ITFG1: variants seen among roughly 807,000 people sequenced by gnomAD.
The protein encoded by ITFG1 is integrin alpha FG-GAP repeat containing 1.
Under a neutral mutation model 81.8 loss-of-function variants are expected in ITFG1, and 34 were observed. The ratio of observed to expected loss-of-function variants is 0.42; its 90% CI spans 0.32 to 0.55. The LOEUF (loss-of-function observed/expected upper bound fraction) is 0.55. ITFG1 is among the 20% of genes least tolerant of loss of function. ITFG1 has a pLI of 0.17. For synonymous variants in ITFG1, 285 were observed against 270.6 expected, an observed-to-expected ratio of 1.05 and a Z score of -0.52; for missense variants, 672 against 755.4, an observed-to-expected ratio of 0.89 and a Z score of 1.29.
rs185575615 is a variant in ITFG1, at chr16:47,305,549, T to C, written c.1070+5691A>G. On this transcript the variant is annotated intron_variant, in intron 10 of 17. Transcript: ENST00000320640. ...TGAAACAGAAGACAAAAATAACAAA[T>C]AGAAATTTACAGGAGTCACAATTCA... 1.2e-4 allele frequency among the ~76,000 whole-genome samples: 18 copies of C among 152,104 alleles called. No homozygotes were observed. The East Asian group carries it at 1.9e-3, about 16-fold the overall frequency.
chr16:47,413,264 C>A (rs1439046581), intron 6 of ITFG1, among the ~76,000 whole-genome samples: 1 of 152,196 alleles, frequency 6.6e-6, no homozygotes, highest in East Asian at 1.9e-4. Flanking sequence ...AACAAAACTT[C>A]TTCTAAGCTA....
At chr16:47,183,514 C>G (rs1965163375) in intron 14 of ITFG1, among the ~76,000 whole-genome samples, 1 of 152,212 alleles carries the variant, frequency 6.6e-6, no homozygotes, top group African/African-American at 2.4e-5. Context: ...GAGGCACCGC[C>G]CAGCAGGGGC....
chr16:47,305,575 A>C (rs190398212), intron 10 of ITFG1, among the ~76,000 whole-genome samples: 25 of 152,274 alleles, frequency 1.6e-4, no homozygotes, highest in Admixed American at 1.5e-3. Flanking sequence ...TCACAATTCA[A>C]CTCCACATGG....
chr16:47,411,056 T>C (rs1968804635), intron 6 of ITFG1, among the ~76,000 whole-genome samples: 1 of 152,150 alleles, frequency 6.6e-6, no homozygotes, highest in African/African-American at 2.4e-5. Flanking sequence ...CAGCCCTACC[T>C]GCAGGCTTTC....
chr16:47,261,649 T>C (rs1277785911), intron 10 of ITFG1, among the ~76,000 whole-genome samples: 7 of 152,226 alleles, frequency 4.6e-5, no homozygotes, highest in Non-Finnish European at 1.5e-5. Flanking sequence ...AATTTTATTA[T>C]TGTTTAATTT....
intron 8 of ITFG1, among the ~76,000 whole-genome samples, chr16:47,319,736 T>C (rs368959857): frequency 6.6e-6 from 1 of 152,188 alleles, no homozygotes; most frequent in Non-Finnish European, 1.5e-5. Context: ...CTAGTGAAGT[T>C]TGGTGCTACT....
intron 16 of ITFG1, chr16:47,161,450 C>G (rs1419508938): frequency 1.5e-5 from 3 of 193,580 alleles, no homozygotes; most frequent in East Asian, 1.1e-4. Flanking sequence ...GATTTAGTAT[C>G]CTGAAAGTTT....
At chr16:47,180,664 C>T (rs1298737584) in intron 14 of ITFG1, among the ~76,000 whole-genome samples, 2 of 152,320 alleles carry the variant, frequency 1.3e-5, no homozygotes, top group Non-Finnish European at 1.5e-5. Flanking sequence ...GGATTGCAGA[C>T]GGAGTCTCGT....
chr16:47,277,684 A>C (rs1966412328), intron 10 of ITFG1, among the ~76,000 whole-genome samples: 1 of 152,232 alleles, frequency 6.6e-6, no homozygotes, highest in Non-Finnish European at 1.5e-5. Flanking sequence ...TTGGCTACTA[A>C]GGAATTGAAA....
upstream of ITFG1, chr16:47,461,242 C>T: frequency 2.9e-6 from 3 of 1,037,198 alleles, no homozygotes; most frequent in Non-Finnish European, 4.2e-6. Flanking sequence ...GCCGCCCTCA[C>T]GCTCACTTCC....
At chr16:47,247,118 C>T (rs1229292564) in intron 12 of ITFG1, among the ~76,000 whole-genome samples, 4 of 152,082 alleles carry the variant, frequency 2.6e-5, no homozygotes, top group Non-Finnish European at 4.4e-5. Flanking sequence ...GGACACCCAC[C>T]CTCATACTTA....
intron 9 of ITFG1, among the ~76,000 whole-genome samples, chr16:47,313,499 A>G (rs1967300435): frequency 6.6e-6 from 1 of 152,218 alleles, no homozygotes; most frequent in South Asian, 2.1e-4. Context: ...ATTTAATTAT[A>G]GTATCCAGAA....
intron 6 of ITFG1, among the ~76,000 whole-genome samples, chr16:47,388,837 G>C (rs893564194): frequency 6.6e-6 from 1 of 152,168 alleles, no homozygotes; most frequent in African/African-American, 2.4e-5. Context: ...TCTGTGGACA[G>C]TGTACCTTAT....
intron 10 of ITFG1, among the ~76,000 whole-genome samples, chr16:47,290,920 GT>G (rs1429242114): frequency 6.6e-6 from 1 of 152,078 alleles, no homozygotes; most frequent in Non-Finnish European, 1.5e-5. Context: ...TGGTTTCACA[GT>G]TTTTTGCAGC....
intron 14 of ITFG1, among the ~76,000 whole-genome samples, chr16:47,182,039 C>T (rs1421891759): frequency 5.9e-5 from 9 of 152,192 alleles, no homozygotes; most frequent in African/African-American, 2.2e-4. Flanking sequence ...GGGACACAAA[C>T]ACTGCGGAAG....
intron 6 of ITFG1, among the ~76,000 whole-genome samples, chr16:47,376,481 A>C (rs1968326235): frequency 2.0e-5 from 3 of 152,328 alleles, no homozygotes; most frequent in African/African-American, 7.2e-5. Context: ...AAGTACAATA[A>C]TTTTAATAAA....
intron 14 of ITFG1, among the ~76,000 whole-genome samples, chr16:47,167,307 C>A (rs1049208804): frequency 1.3e-5 from 2 of 152,208 alleles, no homozygotes; most frequent in African/African-American, 2.4e-5. Context: ...GTAACTTGCA[C>A]ATATACGCCC....
At chr16:47,299,878 G>C (rs1416001643) in intron 10 of ITFG1, 1 of 152,274 alleles carries the variant, frequency 6.6e-6, no homozygotes, top group East Asian at 1.9e-4. Flanking sequence ...CATAACCTTG[G>C]CTGGAGCCAA....
At chr16:47,237,943 T>C in intron 13 of ITFG1, 22 bp downstream of exon 13, 1 of 1,081,830 alleles carries the variant, frequency 9.2e-7, no homozygotes, top group South Asian at 1.4e-5. Context: ...GACATATTTA[T>C]AACAGATATA....
Sources: allele counts gnomAD v4.1 joint callset (sites outside exome capture counted in the v4.1 genomes callset), GRCh38; gene constraint gnomAD v4.1.1; transcripts MANE v1.5; gene names NCBI Gene and HGNC (gene_info 2026-07-23, HGNC 2026-07-21).